Variants in ERC1 observed in about 807,000 individuals in gnomAD.
ERC1 encodes the protein ELKS/RAB6-interacting/CAST family member 1.
A neutral mutation model predicts 132.0 loss-of-function variants in ERC1; 56 were observed. That is an observed-to-expected ratio of 0.42 (90% CI 0.34 to 0.53). The LOEUF is 0.53. Ranked by LOEUF, ERC1 falls within the 20% of genes least tolerant of loss-of-function variation. The probability of loss-of-function intolerance (pLI) is 0.03; values close to 1 mark genes in which losing one functional copy is unlikely to be tolerated. For missense variants in ERC1, 1,202 were observed against 1,349.9 expected, an observed-to-expected ratio of 0.89 and a Z score of 1.72; for synonymous variants, 478 against 476.1, an observed-to-expected ratio of 1.00 and a Z score of -0.05.
chr12:1,139,676 A>C (rs11061651), intron 7 of ERC1, among the ~76,000 whole-genome samples: 20,393 of 151,822 alleles, frequency 0.13, 2,272 homozygotes, highest in African/African-American at 0.3. Flanking sequence ...TTTAATTCAG[A>C]AATAAAGTAG....
At chr12:1,325,806 TTATAA>T (rs1335765913) in intron 15 of ERC1, among the ~76,000 whole-genome samples, 1 of 152,144 alleles carries the variant, frequency 6.6e-6, no homozygotes, top group Non-Finnish European at 1.5e-5. Context: ...CTTTTCTCTT[TTATAA>T]TATAAGATAT....
At chr12:1,339,190 C>T (rs1391210860) in intron 15 of ERC1, among the ~76,000 whole-genome samples, 1 of 146,284 alleles carries the variant, frequency 6.8e-6, no homozygotes, top group Admixed American at 6.8e-5. Flanking sequence ...AGGGTGCCCG[C>T]CCCCATGTAG....
chr12:1,196,939 CA>C (rs1594139932), intron 12 of ERC1, among the ~76,000 whole-genome samples: 2 of 42,086 alleles, frequency 4.8e-5, no homozygotes, highest in East Asian at 7.1e-4. Context: ...CACACACACA[CA>C]CACACACACA....
intron 2 of ERC1, among the ~76,000 whole-genome samples, chr12:1,049,473 T>C (rs1384753286): frequency 6.6e-6 from 1 of 152,102 alleles, no homozygotes; most frequent in Non-Finnish European, 1.5e-5. Flanking sequence ...TGATTGGGCT[T>C]GGGGGTGGTC....
At chr12:1,121,929 G>A (rs55705284) in intron 7 of ERC1, among the ~76,000 whole-genome samples, 1 of 1,024 alleles carries the variant, frequency 9.8e-4, no homozygotes, top group African/African-American at 1.3e-3. Context: ...ATCTCTATCT[G>A]TGTCTCTATC....
Position 1,408,319 on chromosome 12 carries a change from G to A in ERC1, c.3024+72G>A, listed in dbSNP as rs572799913. 72 of 1,055,062 alleles carry A rather than the reference G, an allele frequency of 6.8e-5. No homozygotes were observed. In the East Asian group the frequency reaches 1.7e-3, roughly 25 times the overall value. The allele number at this position is 1,055,062 out of a possible 1,614,324, so 65.4% of individuals were successfully genotyped here. The stretch of plus-strand genomic sequence containing the variant: ...TTTTGAAATGTTTTTGTACTAGCAT[G>A]TTGCAAATTCTGAGATATAAGTTAG... On this transcript the variant is annotated intron_variant, in intron 17 of 18. Coordinates refer to ENST00000360905, the MANE Select transcript of ERC1 (RefSeq NM_178040.4).
At chr12:1,096,982 GTTAAA>G (rs1212236874) in intron 3 of ERC1, among the ~76,000 whole-genome samples, 1 of 152,112 alleles carries the variant, frequency 6.6e-6, no homozygotes, top group African/African-American at 2.4e-5. Flanking sequence ...TGTATTATAT[GTTAAA>G]TTAATATCAT....
intron 17 of ERC1, among the ~76,000 whole-genome samples, chr12:1,427,450 T>C (rs1206393495): frequency 6.6e-6 from 1 of 152,222 alleles, no homozygotes; most frequent in Non-Finnish European, 1.5e-5. Flanking sequence ...GCATTACTGT[T>C]TCTCTTATGT....
intron 1 of ERC1, among the ~76,000 whole-genome samples, chr12:992,997 G>A (rs1785426428): frequency 6.6e-6 from 1 of 152,238 alleles, no homozygotes; most frequent in East Asian, 1.9e-4. Flanking sequence ...AAGAATTTCA[G>A]TAGTTGCAGA....
At position 1,440,503 on chromosome 12, in the gene ERC1, G is replaced by A. The variant is rs2093104723; in HGVS notation, c.3025-4059G>A. ...TTACAGGTGTGAGCCACCGCGCCCG[G>A]CCTTTTTTTTTTTTTTTTAATAGAG... On this transcript the variant is annotated intron_variant, in intron 17 of 18. Transcript: ENST00000360905. Among the ~76,000 whole-genome samples the A allele has an allele frequency of 5.6e-5, 8 of 142,464 alleles. No homozygotes were observed. The South Asian group carries it at 1.8e-3, about 31-fold the overall frequency. The allele number at this position is 142,464 out of a possible 152,430, so 93.5% of individuals were successfully genotyped here.
At chr12:1,342,701 A>G (rs940718920) in intron 15 of ERC1, among the ~76,000 whole-genome samples, 1 of 152,172 alleles carries the variant, frequency 6.6e-6, no homozygotes, top group African/African-American at 2.4e-5. Context: ...TAGCAGATGA[A>G]AAGTCACAGA....
At chr12:1,051,361 A>C (rs1414506360) in intron 2 of ERC1, among the ~76,000 whole-genome samples, 1 of 152,106 alleles carries the variant, frequency 6.6e-6, no homozygotes, top group Non-Finnish European at 1.5e-5. Context: ...TAAATTCATG[A>C]ATACTAAAAT....
intron 8 of ERC1, among the ~76,000 whole-genome samples, chr12:1,144,647 TAC>T (rs1231594170): frequency 6.7e-6 from 1 of 149,550 alleles, no homozygotes; most frequent in Non-Finnish European, 1.5e-5. Context: ...TGTATATATA[TAC>T]GTATATATAT....
intron 15 of ERC1, among the ~76,000 whole-genome samples, chr12:1,338,284 G>A (rs1214009900): frequency 6.6e-6 from 1 of 152,138 alleles, no homozygotes; most frequent in African/African-American, 2.4e-5. Context: ...CAAAACGTCA[G>A]TCTTCAAGCT....
At chr12:1,483,377 T>C (rs1246110296) in intron 18 of ERC1, among the ~76,000 whole-genome samples, 2 of 152,204 alleles carry the variant, frequency 1.3e-5, no homozygotes, top group Admixed American at 6.5e-5. Context: ...TGTTTTTATA[T>C]ACTTTACATA....
intron 15 of ERC1, among the ~76,000 whole-genome samples, chr12:1,346,927 C>T (rs533446143): frequency 8.0e-4 from 106 of 131,780 alleles, no homozygotes; most frequent in Non-Finnish European, 1.5e-3. Context: ...CCGGCCTGGG[C>T]GACAGAGCGA....
intron 1 of ERC1, among the ~76,000 whole-genome samples, chr12:1,016,931 G>A (rs912912344): frequency 7.9e-5 from 12 of 151,940 alleles, no homozygotes; most frequent in Admixed American, 5.9e-4. Flanking sequence ...GATTATAGGC[G>A]TGAGCCACCG....
intron 3 of ERC1, among the ~76,000 whole-genome samples, chr12:1,092,288 C>G (rs531240954): frequency 1.3e-5 from 2 of 152,188 alleles, no homozygotes. Context: ...TGAGCCACCG[C>G]GCCCGGCCCA....
At chr12:1,122,556 T>G in intron 7 of ERC1, among the ~76,000 whole-genome samples, 3 of 76,848 alleles carry the variant, frequency 3.9e-5, no homozygotes, top group Non-Finnish European at 7.8e-5. Flanking sequence ...TGTCTCTATC[T>G]CTATCTCTAT....
Sources: allele counts gnomAD v4.1 joint callset (sites outside exome capture counted in the v4.1 genomes callset), GRCh38; gene constraint gnomAD v4.1.1; transcripts MANE v1.5; gene names NCBI Gene and HGNC (gene_info 2026-07-23, HGNC 2026-07-21).